The following MYO3B variants were observed in gnomAD, a reference collection of about 807,000 sequenced individuals.
MYO3B encodes the protein myosin-IIIb.
A neutral mutation model predicts 174.6 loss-of-function variants in MYO3B; 156 were observed. That is an observed-to-expected ratio of 0.89 (90% CI 0.78 to 1.02). The LOEUF (loss-of-function observed/expected upper bound fraction) is 1.02. Ranked by LOEUF, MYO3B falls within the 50% of genes least tolerant of loss-of-function variation. MYO3B has a pLI of 0.00. For missense variants in MYO3B, 1,632 were observed against 1,639.4 expected, an observed-to-expected ratio of 1.00 and a Z score of 0.08; for synonymous variants, 563 against 569.1, an observed-to-expected ratio of 0.99 and a Z score of 0.15.
intron 22 of MYO3B, among the ~76,000 whole-genome samples, chr2:170,423,367 C>T (rs2094633771): frequency 6.6e-6 from 1 of 152,146 alleles, no homozygotes; most frequent in Non-Finnish European, 1.5e-5. Context: ...CACAGAAGTG[C>T]CTCATTCCTG....
At chr2:170,504,117 C>T (rs141285044) in intron 28 of MYO3B, among the ~76,000 whole-genome samples, 2 of 152,186 alleles carry the variant, frequency 1.3e-5, no homozygotes, top group African/African-American at 4.8e-5. Context: ...CCTAGTAGAA[C>T]CAGACCCAGA....
chr2:170,580,451 A>T (rs1240928785), intron 32 of MYO3B, among the ~76,000 whole-genome samples: 1 of 152,222 alleles, frequency 6.6e-6, no homozygotes, highest in Non-Finnish European at 1.5e-5. Flanking sequence ...CAGCCTGGCC[A>T]ACATGGCAAA....
At chr2:170,346,146 T>C (rs916394842) in intron 8 of MYO3B, 1 of 152,208 alleles carries the variant, frequency 6.6e-6, no homozygotes, top group African/African-American at 2.4e-5. Context: ...GATAGTAATA[T>C]TCACCCATCT....
intron 6 of MYO3B, among the ~76,000 whole-genome samples, chr2:170,230,069 A>G (rs940964621): frequency 2.6e-5 from 4 of 152,220 alleles, no homozygotes; most frequent in East Asian, 1.9e-4. Flanking sequence ...GAGAAGTTCT[A>G]TTTTAGAAAG....
intron 30 of MYO3B, among the ~76,000 whole-genome samples, chr2:170,537,594 A>G (rs1319399540): frequency 6.6e-6 from 1 of 150,708 alleles, no homozygotes; most frequent in Non-Finnish European, 1.5e-5. Flanking sequence ...CTACAAGGGC[A>G]TGCCACCCTG....
intron 7 of MYO3B, among the ~76,000 whole-genome samples, chr2:170,315,771 C>T (rs575177399): frequency 6.6e-6 from 1 of 152,210 alleles, no homozygotes; most frequent in East Asian, 1.9e-4. Flanking sequence ...ACAACTGAGG[C>T]TTAGAGGAGT....
At chr2:170,431,468 A>G (rs987657462) in intron 22 of MYO3B, among the ~76,000 whole-genome samples, 5 of 152,154 alleles carry the variant, frequency 3.3e-5, no homozygotes, top group Admixed American at 1.3e-4. Flanking sequence ...GGAGTTAACT[A>G]TTTTTTCCCT....
intron 32 of MYO3B, among the ~76,000 whole-genome samples, chr2:170,632,276 A>T (rs192863733): frequency 4.6e-5 from 7 of 152,336 alleles, no homozygotes; most frequent in African/African-American, 1.7e-4. Flanking sequence ...AAATCATAAC[A>T]AACTGTCTCT....
intron 23 of MYO3B, among the ~76,000 whole-genome samples, chr2:170,445,018 A>C (rs1398159055): frequency 6.6e-6 from 1 of 152,244 alleles, no homozygotes; most frequent in East Asian, 1.9e-4. Flanking sequence ...ACTCTGAATC[A>C]GCAAATACTG....
chr2:170,649,124 G>GTATATAAAATAATATATAATATATTA (rs1559201154), intron 32 of MYO3B, among the ~76,000 whole-genome samples: 22 of 20,012 alleles, frequency 1.1e-3, no homozygotes, highest in South Asian at 1.4e-3. Flanking sequence ...AATATATAAT[G>GTATATAAAATAATATATAATATATTA]TATATAAAAT....
Position 170,214,421 on chromosome 2 carries a change from C to T in MYO3B, c.364C>T (p.Leu122Phe), listed in dbSNP as rs2092805637. ...GSVTELVKGLLRCGQRLDEAM... is the reference protein window; with the variant it reads ...GSVTELVKGLFRCGQRLDEAM... Reference sequence around the variant, plus strand: ...AGTCACTGAGCTTGTCAAAGGTCTACTCAGATGTGGCCAGCGGTTGGATGA... The same window carrying T: ...AGTCACTGAGCTTGTCAAAGGTCTATTCAGATGTGGCCAGCGGTTGGATGA... The change falls in exon 4 of 35, where the codon CTC (leucine) becomes TTC (phenylalanine). Residue 122 changes from leucine to phenylalanine, a missense_variant. Transcript: ENST00000408978. 1.9e-6 allele frequency: 3 copies of T among 1,614,040 alleles called. No individual in the cohort carries two copies. The highest frequency in any genetic ancestry group is 2.5e-6 in the Non-Finnish European group (3 of 1,180,026).
At chr2:170,254,848 C>A (rs2093289907) in intron 7 of MYO3B, among the ~76,000 whole-genome samples, 1 of 152,170 alleles carries the variant, frequency 6.6e-6, no homozygotes, top group Non-Finnish European at 1.5e-5. Context: ...ACAGCTTCTA[C>A]CTGAGGGAGC....
chr2:170,274,163 TGAGA>T (rs139019779), intron 7 of MYO3B, among the ~76,000 whole-genome samples: 1 of 147,112 alleles, frequency 6.8e-6, no homozygotes, highest in African/African-American at 2.5e-5. Flanking sequence ...GGAGAGAGAA[TGAGA>T]GAGAGAGAGA....
Position 170,542,948 on chromosome 2 carries a change from C to CAAAAGGGT in MYO3B, c.3618_3619insAAAAGGGT (p.Ala1207LysfsTer32). The CAAAAGGGT allele has an allele frequency of 6.2e-7, 1 of 1,609,676 alleles. No homozygotes were observed. Among genetic ancestry groups the CAAAAGGGT allele is most frequent in the Non-Finnish European group, 8.5e-7 (1 of 1,177,640 alleles). On this transcript the variant is annotated frameshift_variant, in exon 31 of 35. Coordinates refer to ENST00000408978, the MANE Select transcript of MYO3B (RefSeq NM_138995.5). LOFTEE classifies it high-confidence loss of function. ...GTTCTCCAAAAGGGTGCGATATCTT[C>CAAAAGGGT]GCAGGACATGCAAACAAGGTAGCTG...
chr2:170,483,378 T>TAAAACAAATATCAGTGGGGCTAAC (rs1559044846), intron 25 of MYO3B, among the ~76,000 whole-genome samples: 2 of 94,464 alleles, frequency 2.1e-5, no homozygotes, highest in African/African-American at 6.0e-5. Context: ...GGGGATTCTT[T>TAAAACAAATATCAGTGGGGCTAAC]TTTTTTTTTT....
intron 7 of MYO3B, 146 bp downstream of exon 7, chr2:170,236,282 G>C: frequency 2.1e-6 from 2 of 967,700 alleles, no homozygotes; most frequent in African/African-American, 3.3e-5. Context: ...AGCAAGGGGG[G>C]CTGGGGGGGA....
intron 22 of MYO3B, among the ~76,000 whole-genome samples, chr2:170,418,968 A>G (rs1189107822): frequency 6.6e-6 from 1 of 152,248 alleles, no homozygotes; most frequent in Non-Finnish European, 1.5e-5. Context: ...AGTTCTTCAC[A>G]AAAATGGAGG....
intron 8 of MYO3B, among the ~76,000 whole-genome samples, chr2:170,366,025 A>G (rs1252989758): frequency 6.6e-6 from 1 of 152,070 alleles, no homozygotes; most frequent in Admixed American, 6.6e-5. Flanking sequence ...GGTTGTTAGG[A>G]GGAGGGAGTG....
intron 6 of MYO3B, among the ~76,000 whole-genome samples, chr2:170,221,802 A>C (rs957422643): frequency 1.3e-5 from 2 of 152,152 alleles, no homozygotes; most frequent in African/African-American, 4.8e-5. Flanking sequence ...CCTAAGCTCA[A>C]GCATTCCTTC....
Sources: allele counts gnomAD v4.1 joint callset (sites outside exome capture counted in the v4.1 genomes callset), GRCh38; gene constraint gnomAD v4.1.1; transcripts MANE v1.5; gene names NCBI Gene and HGNC (gene_info 2026-07-23, HGNC 2026-07-21).